Variants in UBE2N observed in about 807,000 individuals in gnomAD.
UBE2N encodes the protein ubiquitin conjugating enzyme E2 N, also known as ubiquitin-conjugating enzyme E2 N.
For synonymous variants in UBE2N, 70 were observed against 69.2 expected, an observed-to-expected ratio of 1.01 and a Z score of -0.06; for missense variants, 60 against 192.1, an observed-to-expected ratio of 0.31 and a Z score of 4.07.
rs1877943533 is a variant in UBE2N, at chr12:93,408,811, CT to C, written c.*1227del. The C allele has an allele frequency of 6.6e-6, 1 of 152,454 alleles. No homozygotes were observed. Among genetic ancestry groups the C allele is most frequent in the Non-Finnish European group, 1.5e-5 (1 of 68,040 alleles). The allele number at this position is 152,454 out of a possible 1,614,324, so 9.4% of individuals were successfully genotyped here. A position where few individuals can be genotyped will look rare whatever the true frequency, so the allele number is the denominator to read the frequency against. ...GACACACAAGCTAGATAGTTGAGAT[CT>C]GCTCATCAGGTTTATAAGGAAGACT... On this transcript the variant is annotated 3_prime_UTR_variant, in exon 4 of 4. Transcript: ENST00000318066.
chr12:93,416,551 GAGC>G (rs1878216300), intron 1 of UBE2N, among the ~76,000 whole-genome samples: 1 of 151,588 alleles, frequency 6.6e-6, no homozygotes, highest in South Asian at 2.1e-4. Flanking sequence ...GGGTCCAAGT[GAGC>G]ACCTGGCTAA....
At chr12:93,428,552 TATG>T (rs1490292147) in intron 1 of UBE2N, among the ~76,000 whole-genome samples, 1 of 152,240 alleles carries the variant, frequency 6.6e-6, no homozygotes, top group Non-Finnish European at 1.5e-5. Flanking sequence ...GTGCTAGCTG[TATG>T]ATTTTACTTT....
chr12:93,423,334 A>G (rs1282215504), intron 1 of UBE2N, among the ~76,000 whole-genome samples: 1 of 152,230 alleles, frequency 6.6e-6, no homozygotes, highest in Non-Finnish European at 1.5e-5. Flanking sequence ...TCTAAACTCA[A>G]TAGGAAAGGA....
intron 1 of UBE2N, among the ~76,000 whole-genome samples, chr12:93,441,469 C>T (rs574133735): frequency 4.4e-4 from 67 of 152,196 alleles, no homozygotes; most frequent in African/African-American, 1.5e-3. Context: ...ACCAGGCGCC[C>T]GAGCCCCGCC....
intron 1 of UBE2N, among the ~76,000 whole-genome samples, chr12:93,430,813 T>A (rs969465052): frequency 6.8e-6 from 1 of 147,966 alleles, no homozygotes; most frequent in African/African-American, 2.4e-5. Context: ...TATATATATA[T>A]AAAAAATTTT....
chr12:93,415,461 C>A (rs1373745882), intron 1 of UBE2N, among the ~76,000 whole-genome samples: 1 of 152,160 alleles, frequency 6.6e-6, no homozygotes, highest in African/African-American at 2.4e-5. Context: ...GAGAAACTGA[C>A]ATGTTCTTTA....
At chr12:93,437,881 G>C (rs1410750509) in intron 1 of UBE2N, among the ~76,000 whole-genome samples, 2 of 152,234 alleles carry the variant, frequency 1.3e-5, no homozygotes, top group Non-Finnish European at 2.9e-5. Context: ...GTATCCTTCA[G>C]AGCCTTTCAA....
At chr12:93,424,062 G>A (rs921799422) in intron 1 of UBE2N, among the ~76,000 whole-genome samples, 8 of 151,826 alleles carry the variant, frequency 5.3e-5, no homozygotes, top group African/African-American at 1.9e-4. Context: ...GTTTTTTGTT[G>A]TTGTTGTTCT....
intron 1 of UBE2N, among the ~76,000 whole-genome samples, chr12:93,432,037 G>A (rs1878786624): frequency 6.6e-6 from 1 of 152,138 alleles, no homozygotes; most frequent in Non-Finnish European, 1.5e-5. Context: ...TTTGAGACCA[G>A]CCTGACCAAC....
chr12:93,437,004 G>C (rs1040436370), intron 1 of UBE2N, among the ~76,000 whole-genome samples: 74 of 152,116 alleles, frequency 4.9e-4, no homozygotes, highest in African/African-American at 1.7e-3. Context: ...GTTCATGCCT[G>C]TTAACCCTAG....
Position 93,406,037 on chromosome 12 carries a change from GC to G in UBE2N, c.*4001del, listed in dbSNP as rs1222780451. On this transcript the variant is annotated 3_prime_UTR_variant, in exon 4 of 4. Coordinates refer to ENST00000318066, the MANE Select transcript of UBE2N (RefSeq NM_003348.4). ...AATCCCAGCACTTTGGGAGGCCGAG[GC>G]GGGCAGATCACGAGGTCAGGAGATG... 3 of 152,068 alleles carry G rather than the reference GC, an allele frequency of 2.0e-5. No homozygotes were observed. The highest frequency in any genetic ancestry group is 4.4e-5 in the Non-Finnish European group (3 of 68,054). 9.4% of individuals were successfully genotyped at this position (152,068 alleles called of 1,614,324 possible). A position where few individuals can be genotyped will look rare whatever the true frequency, so the allele number is the denominator to read the frequency against.
intron 1 of UBE2N, among the ~76,000 whole-genome samples, chr12:93,431,361 C>T (rs1013522824): frequency 3.9e-5 from 6 of 152,176 alleles, no homozygotes; most frequent in Non-Finnish European, 7.3e-5. Flanking sequence ...ACATGCACTG[C>T]CAGTTATTAT....
At chr12:93,410,621 CTTA>C (rs1878005921) in intron 3 of UBE2N, 110 bp downstream of exon 3, 27 of 1,484,230 alleles carry the variant, frequency 1.8e-5, no homozygotes, top group Non-Finnish European at 2.3e-5. Flanking sequence ...CAGGATCTCA[CTTA>C]TTATACTTTT....
At chr12:93,436,043 C>T (rs1326011704) in intron 1 of UBE2N, among the ~76,000 whole-genome samples, 1 of 152,150 alleles carries the variant, frequency 6.6e-6, no homozygotes, top group Non-Finnish European at 1.5e-5. Context: ...TCAAATAAGT[C>T]AACCCCTAGG....
At chr12:93,426,135 C>CACTA (rs940214155) in intron 1 of UBE2N, among the ~76,000 whole-genome samples, 3 of 152,126 alleles carry the variant, frequency 2.0e-5, no homozygotes, top group East Asian at 1.9e-4. Flanking sequence ...TCTCGTCCTG[C>CACTA]ACTACTAAGC....
intron 1 of UBE2N, among the ~76,000 whole-genome samples, chr12:93,433,575 T>A (rs1878832931): frequency 6.6e-6 from 1 of 152,196 alleles, no homozygotes; most frequent in South Asian, 2.1e-4. Context: ...CATACACACA[T>A]AAGAATTCTT....
intron 1 of UBE2N, among the ~76,000 whole-genome samples, chr12:93,414,788 C>T (rs1007356674): frequency 2.2e-4 from 34 of 152,202 alleles, no homozygotes; most frequent in African/African-American, 7.2e-4. Flanking sequence ...CCTATCCCCA[C>T]TCCCTGGCTT....
rs374035651 is a variant in UBE2N at position 93,441,818 on chromosome 12, G to A, written c.30+37C>T. ...TGCCTGCCCAGCTGAGCCGACGAGAGCAGAGCGAAGAGCTGGAGGCCGGCC... is the reference window on the plus strand; with the variant it reads ...TGCCTGCCCAGCTGAGCCGACGAGAACAGAGCGAAGAGCTGGAGGCCGGCC... On this transcript the variant is annotated intron_variant, in intron 1 of 3. Transcript: ENST00000318066. The A allele has an allele frequency of 1.5e-4, 231 of 1,579,164 alleles. 1 individual carries two copies. The African/African-American group carries it at 2.9e-3, about 20-fold the overall frequency.
rs140062162 is a variant in UBE2N at position 93,412,215 on chromosome 12, T to C, written c.31-916A>G. On this transcript the variant is annotated intron_variant, in intron 1 of 3. Transcript: ENST00000318066. ...ATCATTCTCCCTCTCCCCTAAATAA[T>C]TGTATTATTATTATTTCTCTTCTCT... 3.1e-3 allele frequency among the ~76,000 whole-genome samples: 479 copies of C among 152,276 alleles called. 1 individual carries two copies. Among genetic ancestry groups the C allele is most frequent in the African/African-American group, 7.8e-3 (325 of 41,548 alleles).
Sources: gnomAD v4.1 joint callset for allele counts (sites outside exome capture counted in the v4.1 genomes callset) on GRCh38, gnomAD v4.1.1 for gene constraint, MANE v1.5 for transcripts, NCBI Gene and HGNC (gene_info 2026-07-23, HGNC 2026-07-21) for gene names.